The following TMEM132A variants were observed in gnomAD, a reference collection of about 807,000 sequenced individuals.
The protein encoded by TMEM132A is GRP78-binding protein.
Under a neutral mutation model 69.9 loss-of-function variants are expected in TMEM132A, and 48 were observed. The ratio of observed to expected loss-of-function variants is 0.69; its 90% CI spans 0.55 to 0.87. TMEM132A has a LOEUF of 0.87. Among genes scored for constraint, TMEM132A ranks in the 40% least tolerant of loss-of-function variants. The pLI is 0.00. For synonymous variants in TMEM132A, 577 were observed against 613.7 expected (o/e 0.94, Z 0.88); for missense variants, 1,287 against 1,407.2 (o/e 0.91, Z 1.37).
Position 60,936,755 on chromosome 11 carries a change from G to T in TMEM132A, c.2920G>T (p.Ala974Ser). 6.2e-7 allele frequency: 1 copy of T among 1,609,596 alleles called. No individual in the cohort carries two copies. The highest frequency in any genetic ancestry group is 8.5e-7 in the Non-Finnish European group (1 of 1,178,330). Residue 974 changes from alanine to serine, a missense_variant, in exon 11 of 11, where the codon GCC becomes TCC. Physicochemically the swap from Ala to Ser is moderately conservative, Grantham distance 99 (BLOSUM62 1). Transcript: ENST00000453848. ...TGTGACATTTGCGCCAGCCCCTCCA[G>T]CCCAGTCACCTGAGGAGCCTGTAGG... Reference protein sequence around the residue: ...EFVTFAPAPPAQSPEEPVGAP... With the variant: ...EFVTFAPAPPSQSPEEPVGAP...
chr11:60,925,065 C>T (rs191351127), intron 1 of TMEM132A: 2 of 275,192 alleles, frequency 7.3e-6, no homozygotes, highest in Non-Finnish European at 1.4e-5. Context: ...CTAGCGTCAT[C>T]CCCACTCCCT....
Position 60,928,798 on chromosome 11 carries a change from G to A in TMEM132A, c.704G>A (p.Gly235Glu), listed in dbSNP as rs780846252. ...NDPGEQALPV[G>E]GVELRPADPP... ...CCTGGGGAGCAGGCCCTCCCAGTGG[G>A]GGGTGTGGAGCTGCGCCCAGCAGAC... Residue 235 changes from glycine (G) to glutamate (E), a missense_variant, in exon 4 of 11, where the codon GGG (glycine) becomes GAG (glutamate). Transcript: ENST00000453848. 1.9e-6 allele frequency: 3 copies of A among 1,610,908 alleles called. No individual in the cohort carries two copies. Among genetic ancestry groups the A allele is most frequent in the East Asian group, 2.2e-5 (1 of 44,828 alleles).
chr11:60,933,971 C>CT, intron 8 of TMEM132A: 2 of 576,166 alleles, frequency 3.5e-6, no homozygotes, highest in Non-Finnish European at 6.2e-6. Context: ...TCTCCCGTAG[C>CT]ACCCTCCACT....
chr11:60,934,290 G>C, intron 8 of TMEM132A, 198 bp from the exon 9 acceptor site: 1 of 458,574 alleles, frequency 2.2e-6, no homozygotes, highest in East Asian at 3.8e-5. Flanking sequence ...CACAGCGCCA[G>C]TCGGGAGTGG....
rs765110880 is a variant in TMEM132A, at chr11:60,935,432, G to A, written c.2017G>A (p.Ala673Thr). ...ATCWAQSALP[A>T]PKQEVALSLW... is the part of the protein sequence containing the mutation. ...GTGCTGGGCACAGTCAGCCCTTCCC[G>A]CCCCAAAGCAGGTGACAGTTGGGGG... is the stretch of plus-strand genomic sequence containing the variant. The change falls in exon 10 of 11, where the codon GCC becomes ACC. Residue 673 changes from alanine (A) to threonine (T), a missense_variant. Ala to Thr is a moderately conservative substitution (Grantham distance 58). Coordinates refer to ENST00000453848, the MANE Select transcript of TMEM132A (RefSeq NM_178031.3). This position sits in a 1 kb window ranked among gnomAD's most constrained non-coding sequence, Gnocchi z 5.0. 19 of 1,604,416 alleles carry A rather than the reference G, an allele frequency of 1.2e-5. No homozygotes were observed. Among genetic ancestry groups the A allele is most frequent in the Middle Eastern group, 3.3e-4 (2 of 6,052 alleles).
At position 60,928,976 on chromosome 11, in the gene TMEM132A, C is replaced by T. The variant is rs79424635; in HGVS notation, c.866+16C>T. ...TGACCCTGCGGTGAGCACCAGGCCA[C>T]GGGGATGGGTGAGGGTGGGAACCTC... On this transcript the variant is annotated intron_variant, in intron 4 of 10. Transcript: ENST00000453848. The T allele has an allele frequency of 0.023, 37,681 of 1,610,750 alleles. 1,552 individuals carry two copies. The highest frequency in any genetic ancestry group is 0.18 in the East Asian group (8,261 of 44,860).
chr11:60,929,682 C>T (rs1395311794), intron 4 of TMEM132A, among the ~76,000 whole-genome samples: 1 of 152,148 alleles, frequency 6.6e-6, no homozygotes, highest in African/African-American at 2.4e-5. Flanking sequence ...TCCTGAGGAT[C>T]GAAGAGCGGT....
rs1856591775 is a variant in TMEM132A, at chr11:60,936,105, T to C, written c.2270T>C (p.Leu757Pro). 2 of 1,612,784 alleles carry C rather than the reference T, an allele frequency of 1.2e-6. No homozygotes were observed. Among genetic ancestry groups the C allele is most frequent in the East Asian group, 4.5e-5 (2 of 44,848 alleles). ...PCRRGRHRVP[L>P]ASGTAWLGLP... is the part of the protein sequence containing the mutation. ...CGCCGGGGCCGCCACCGTGTGCCTC[T>C]GGCCTCTGGCACCGCCTGGCTGGGG... The change falls in exon 11 of 11, where the codon CTG becomes CCG. Residue 757 changes from leucine to proline, a missense_variant. Physicochemically the swap from Leu to Pro is moderately conservative, Grantham distance 98 (BLOSUM62 -3). Coordinates refer to ENST00000453848, the MANE Select transcript of TMEM132A (RefSeq NM_178031.3).
chr11:60,935,497 T>C lies in TMEM132A; in HGVS notation c.2028+54T>C. 6.6e-7 allele frequency: 1 copy of C among 1,525,298 alleles called. No individual in the cohort carries two copies. Among genetic ancestry groups the C allele is most frequent in the Non-Finnish European group, 8.9e-7 (1 of 1,125,652 alleles). 94.5% of individuals were successfully genotyped at this position (1,525,298 alleles called of 1,614,324 possible). A position where few individuals can be genotyped will look rare whatever the true frequency, so the allele number is the denominator to read the frequency against. On this transcript the variant is annotated intron_variant, in intron 10 of 10. Transcript: ENST00000453848. This position sits in a 1 kb window ranked among gnomAD's most constrained non-coding sequence, Gnocchi z 5.0. ...GTCAACATCTCCAGATGGGGGCTCA[T>C]GGTAGAGGGGAATGGGAGGAAGGGA...
In TMEM132A at chr11:60,927,851, C is replaced by T. The variant is rs770668657; in HGVS notation, c.526C>T (p.Arg176Cys). The change falls in exon 3 of 11, where the codon CGC becomes TGC. Residue 176 changes from arginine to cysteine, a missense_variant. Physicochemically the swap from Arg to Cys is radical, Grantham distance 180 (BLOSUM62 -3). Transcript: ENST00000453848. ...HPAGTAHQAC[R>C]FQPSLGACVV... ...TGCCGGCACTGCTCACCAAGCCTGCCGCTTCCAGGTGAGTAGACAGGCCCC... is the reference window on the plus strand; with the variant it reads ...TGCCGGCACTGCTCACCAAGCCTGCTGCTTCCAGGTGAGTAGACAGGCCCC... 17 of 1,608,592 alleles carry T rather than the reference C, an allele frequency of 1.1e-5. No individual in the cohort carries two copies. Among genetic ancestry groups the T allele is most frequent in the African/African-American group, 1.3e-5 (1 of 74,880 alleles).
chr11:60,927,187 C>T lies in TMEM132A; in HGVS notation c.101-17C>T. The T allele has an allele frequency of 6.2e-7, 1 of 1,608,272 alleles. No homozygotes were observed. The highest frequency in any genetic ancestry group is 1.1e-5 in the South Asian group (1 of 91,030). On this transcript the variant is annotated splice_polypyrimidine_tract_variant and intron_variant, in intron 1 of 10. Transcript: ENST00000453848. ...GCTCTGGAGCTGTCATCATCTCTCCCTCTTATGCCTCTTCAGTGGACTGTG... is the reference window on the plus strand; with the variant it reads ...GCTCTGGAGCTGTCATCATCTCTCCTTCTTATGCCTCTTCAGTGGACTGTG...
chr11:60,932,068 G>A lies in TMEM132A; in HGVS notation c.1297G>A (p.Ala433Thr), dbSNP rs745584644. The A allele has an allele frequency of 6.3e-7, 1 of 1,585,898 alleles. No homozygotes were observed. Among genetic ancestry groups the A allele is most frequent in the Non-Finnish European group, 8.6e-7 (1 of 1,167,610 alleles). ...VRLVTVDGGG[A>T]LVEVTEHVGC... ...CCTTGTCACTGTGGACGGCGGGGGG[G>A]CCTTGGTGGAGGTGACAGAGCATGT... Residue 433 changes from alanine (A) to threonine (T), a missense_variant, in exon 7 of 11, where the codon GCC (alanine) becomes ACC (threonine). Ala to Thr is a moderately conservative substitution (Grantham distance 58, BLOSUM62 0). Coordinates refer to ENST00000453848, the MANE Select transcript of TMEM132A (RefSeq NM_178031.3).
At position 60,924,642 on chromosome 11, in the gene TMEM132A, G is replaced by A; in HGVS notation, c.9G>A (p.Ala3=). Residue 3 remains alanine (A), a synonymous_variant, in exon 1 of 11, where the codon GCG becomes GCA. Coordinates refer to ENST00000453848, the MANE Select transcript of TMEM132A (RefSeq NM_178031.3). MC[A]RMAGRTTAAP... is the part of the protein sequence containing the mutation. Reference sequence around the variant, plus strand: ...CGCCTTCTGTGGGAAGGATGTGCGCGCGGATGGCCGGTCGCACAACAGCGG... The same window carrying A: ...CGCCTTCTGTGGGAAGGATGTGCGCACGGATGGCCGGTCGCACAACAGCGG... The A allele has an allele frequency of 3.1e-6, 5 of 1,593,096 alleles. No homozygotes were observed. The highest frequency in any genetic ancestry group is 1.7e-5 in the Admixed American group (1 of 59,430).
chr11:60,931,701 G>A lies in TMEM132A; in HGVS notation c.1029G>A (p.Leu343=), dbSNP rs1474761808. 38 of 1,613,298 alleles carry A rather than the reference G, an allele frequency of 2.4e-5. No individual in the cohort carries two copies. The highest frequency in any genetic ancestry group is 3.1e-5 in the Non-Finnish European group (36 of 1,179,396). ...CTTTGGCCAGCAGTCCCCTTGAACT[G>A]TCTGAGTTCCTATGGGTGGACTTTG... is the stretch of plus-strand genomic sequence containing the variant. ...LTEPDSSPLE[L]SEFLWVDFVV... is the part of the protein sequence containing the mutation. The change falls in exon 6 of 11, where the codon CTG becomes CTA. Residue 343 remains leucine, a synonymous_variant. Transcript: ENST00000453848.
chr11:60,937,001 T>C lies in TMEM132A; in HGVS notation c.*94T>C. On this transcript the variant is annotated 3_prime_UTR_variant, in exon 11 of 11. Transcript: ENST00000453848. ...CTGCCCCCGCCACTCGTCTGGTGCT[T>C]GTTGATCCAAGTCCCCTGCCTGGTC... 1 of 1,320,286 alleles carries C rather than the reference T, an allele frequency of 7.6e-7. No homozygotes were observed. The highest frequency in any genetic ancestry group is 1.5e-5 in the South Asian group (1 of 65,298). The allele number at this position is 1,320,286 out of a possible 1,614,324, so 81.8% of individuals were successfully genotyped here.
chr11:60,933,559 T>G lies in TMEM132A; in HGVS notation c.1374T>G (p.Asp458Glu). The change falls in exon 8 of 11, where the codon GAT (aspartate) becomes GAG (glutamate). Residue 458 changes from aspartate to glutamate, a missense_variant. Coordinates refer to ENST00000453848, the MANE Select transcript of TMEM132A (RefSeq NM_178031.3). ...TQVLQVSEAC[D>E]AVFVAGKESR... ...TTCCATAGGTGTCTGAGGCCTGTGATGCCGTGTTCGTGGCTGGCAAGGAGA... is the reference window on the plus strand; with the variant it reads ...TTCCATAGGTGTCTGAGGCCTGTGAGGCCGTGTTCGTGGCTGGCAAGGAGA... The G allele has an allele frequency of 6.2e-7, 1 of 1,607,642 alleles. No individual in the cohort carries two copies. Among genetic ancestry groups the G allele is most frequent in the Non-Finnish European group, 8.5e-7 (1 of 1,179,084 alleles).
Position 60,936,930 on chromosome 11 carries a change from C to T in TMEM132A, c.*23C>T. The T allele has an allele frequency of 1.3e-6, 2 of 1,507,026 alleles. No individual in the cohort carries two copies. The highest frequency in any genetic ancestry group is 1.3e-5 in the South Asian group (1 of 74,440). 93.4% of individuals were successfully genotyped at this position (1,507,026 alleles called of 1,614,324 possible). On this transcript the variant is annotated 3_prime_UTR_variant, in exon 11 of 11. Transcript: ENST00000453848. ...TGACCCTCCACAGCCACCTGGTCAG[C>T]CACCAGCTGGGGCAACGAGGGTGGA...
chr11:60,935,693 G>A lies in TMEM132A; in HGVS notation c.2029-171G>A. On this transcript the variant is annotated intron_variant, in intron 10 of 10. Transcript: ENST00000453848. The surrounding 1 kb of genome is among the most constrained non-coding windows in gnomAD (Gnocchi z 5.0). ...ATAACTCAGACCCTAGGGCTGAGTGGCAGACAGGTGATTGACACGCGTCCC... is the reference window on the plus strand; with the variant it reads ...ATAACTCAGACCCTAGGGCTGAGTGACAGACAGGTGATTGACACGCGTCCC... 1 of 864,070 alleles carries A rather than the reference G, an allele frequency of 1.2e-6. No individual in the cohort carries two copies. Among genetic ancestry groups the A allele is most frequent in the Non-Finnish European group, 1.8e-6 (1 of 565,566 alleles). The allele number at this position is 864,070 out of a possible 1,614,324, so 53.5% of individuals were successfully genotyped here.
Position 60,936,930 on chromosome 11 carries a change from CCA to C in TMEM132A, c.*25_*26del. The C allele has an allele frequency of 6.6e-7, 1 of 1,507,026 alleles. No individual in the cohort carries two copies. Among genetic ancestry groups the C allele is most frequent in the Non-Finnish European group, 8.9e-7 (1 of 1,127,412 alleles). The allele number at this position is 1,507,026 out of a possible 1,614,324, so 93.4% of individuals were successfully genotyped here. ...TGACCCTCCACAGCCACCTGGTCAG[CCA>C]CCAGCTGGGGCAACGAGGGTGGAGG... On this transcript the variant is annotated 3_prime_UTR_variant, in exon 11 of 11. Coordinates refer to ENST00000453848, the MANE Select transcript of TMEM132A (RefSeq NM_178031.3).
Sources: gnomAD v4.1 joint callset for allele counts (sites outside exome capture counted in the v4.1 genomes callset) on GRCh38, gnomAD v4.1.1 for gene constraint, Gnocchi (gnomAD v3.1) non-coding constraint, MANE v1.5 for transcripts, NCBI Gene and HGNC (gene_info 2026-07-23, HGNC 2026-07-21) for gene names.